The following HSD17B4 variants were observed in gnomAD, a reference collection of about 807,000 sequenced individuals.
The protein encoded by HSD17B4 is peroxisomal multifunctional enzyme type 2.
HSD17B4 carries 70 observed loss-of-function variants against 101.0 expected under a neutral mutation model. That is an observed-to-expected ratio of 0.69 (90% CI 0.57 to 0.85). The LOEUF (loss-of-function observed/expected upper bound fraction) is 0.85, where lower values mean the gene tolerates loss of function less well. Ranked by LOEUF, HSD17B4 falls within the 40% of genes least tolerant of loss-of-function variation. HSD17B4 has a pLI of 0.00. For missense variants in HSD17B4, 984 were observed against 892.4 expected (o/e 1.10, Z -1.31); for synonymous variants, 347 against 297.1 (o/e 1.17, Z -1.73).
chr5:119,538,769 T>C (rs949252454), intron 23 of HSD17B4, among the ~76,000 whole-genome samples: 21 of 152,282 alleles, frequency 1.4e-4, no homozygotes, highest in African/African-American at 4.8e-4. Flanking sequence ...GAATTTCTCC[T>C]CCTAGCTGTT....
At chr5:119,511,175 A>G (rs1301582075) in intron 16 of HSD17B4, among the ~76,000 whole-genome samples, 1 of 152,210 alleles carries the variant, frequency 6.6e-6, no homozygotes, top group Non-Finnish European at 1.5e-5. Context: ...AGGGAGAGGA[A>G]GGCTGTAATA....
rs181252569 is a variant in HSD17B4 at position 119,534,440 on chromosome 5, T to C, written c.1994-1983T>C. 2.0e-5 allele frequency among the ~76,000 whole-genome samples: 3 copies of C among 152,216 alleles called. No individual in the cohort carries two copies. In the East Asian group the frequency reaches 5.8e-4, roughly 29 times the overall value. On this transcript the variant is annotated intron_variant, in intron 22 of 23. Transcript: ENST00000510025. Reference sequence around the variant, plus strand: ...TGTTCTTTGACTGTTAGAGGTTATCTATTTTGAATCTTAGACATTTGCCAC... The same window carrying C: ...TGTTCTTTGACTGTTAGAGGTTATCCATTTTGAATCTTAGACATTTGCCAC...
intron 22 of HSD17B4, among the ~76,000 whole-genome samples, chr5:119,534,509 G>T (rs948442379): frequency 6.6e-6 from 1 of 152,006 alleles, no homozygotes; most frequent in South Asian, 2.1e-4. Flanking sequence ...GCATTCTTTT[G>T]ATACCAGAAT....
chr5:119,502,675 G>T (rs1176691277), intron 14 of HSD17B4, among the ~76,000 whole-genome samples: 9 of 151,858 alleles, frequency 5.9e-5, no homozygotes, highest in Admixed American at 5.9e-4. Flanking sequence ...GTCATATAAG[G>T]TGGTAGAATA....
intron 22 of HSD17B4, among the ~76,000 whole-genome samples, chr5:119,534,000 G>A (rs1333198850): frequency 6.6e-6 from 1 of 152,048 alleles, no homozygotes; most frequent in Non-Finnish European, 1.5e-5. Context: ...TTGTTTGTAT[G>A]TATCCAATAC....
rs1750955154 is a variant in HSD17B4 at position 119,499,470 on chromosome 5, A to G, written c.1126A>G (p.Thr376Ala). The change falls in exon 13 of 24, where the codon ACC becomes GCC. Residue 376 changes from threonine (T) to alanine (A), a missense_variant. Transcript: ENST00000510025. ...EGSSDFSCLP[T>A]FGVIIGQKSM... ...AAGTTCTGATTTCTCCTGTTTGCCCACCTTCGGAGTTATCATAGGTCAGAA... is the reference window on the plus strand; with the variant it reads ...AAGTTCTGATTTCTCCTGTTTGCCCGCCTTCGGAGTTATCATAGGTCAGAA... The G allele has an allele frequency of 6.2e-7, 1 of 1,613,890 alleles. No homozygotes were observed. Among genetic ancestry groups the G allele is most frequent in the Non-Finnish European group, 8.5e-7 (1 of 1,179,840 alleles).
At chr5:119,538,742 T>C (rs555529537) in intron 23 of HSD17B4, among the ~76,000 whole-genome samples, 3 of 152,334 alleles carry the variant, frequency 2.0e-5, no homozygotes, top group African/African-American at 7.2e-5. Flanking sequence ...TCAATGTCTA[T>C]GCATTTGCCT....
In HSD17B4 at chr5:119,525,659, A is replaced by C; in HGVS notation, c.1574-258A>C. The stretch of plus-strand genomic sequence containing the variant: ...CCTGGATGATTTCATGGTTACAACC[A>C]AAACTAAACAAAACAATTGTGTTTC... On this transcript the variant is annotated intron_variant, in intron 18 of 23. Coordinates refer to ENST00000510025, the MANE Select transcript of HSD17B4 (RefSeq NM_000414.4). 3 of 539,766 alleles carry C rather than the reference A, an allele frequency of 5.6e-6. No homozygotes were observed. The South Asian group carries it at 6.4e-5, about 11-fold the overall frequency. 33.4% of individuals were successfully genotyped at this position (539,766 alleles called of 1,614,324 possible).
chr5:119,531,306 G>T lies in HSD17B4; in HGVS notation c.1895G>T (p.Gly632Val), dbSNP rs761533599. 6.2e-7 allele frequency: 1 copy of T among 1,613,530 alleles called. No homozygotes were observed. The highest frequency in any genetic ancestry group is 8.5e-7 in the Non-Finnish European group (1 of 1,179,606). The part of the protein sequence containing the change: ...LQSTFVFEEI[G>V]RRLKDIGPEV... ...AGTACCTTTGTATTTGAGGAAATAG[G>T]ACGCCGCCTAAAGGATATTGGGCCT... The change falls in exon 22 of 24, where the codon GGA becomes GTA. Residue 632 changes from glycine (G) to valine (V), a missense_variant. Coordinates refer to ENST00000510025, the MANE Select transcript of HSD17B4 (RefSeq NM_000414.4).
intron 17 of HSD17B4, among the ~76,000 whole-genome samples, chr5:119,516,420 G>A (rs751978518): frequency 2.0e-5 from 3 of 151,922 alleles, no homozygotes. Flanking sequence ...GAATTTCTAC[G>A]CACAGTAAGT....
At chr5:119,502,505 C>CTT (rs150987924) in intron 14 of HSD17B4, among the ~76,000 whole-genome samples, 55 of 146,030 alleles carry the variant, frequency 3.8e-4, no homozygotes, top group Admixed American at 9.8e-4. Context: ...TCATTTTTTT[C>CTT]TTTTTTTTTG....
At chr5:119,457,155 C>T (rs1366596642) in intron 2 of HSD17B4, among the ~76,000 whole-genome samples, 3 of 152,100 alleles carry the variant, frequency 2.0e-5, no homozygotes, top group Admixed American at 6.5e-5. Context: ...GACACAGAAA[C>T]GAATTTGTCC....
Position 119,529,915 on chromosome 5 carries a change from G to C in HSD17B4, c.1789G>C (p.Val597Leu). Residue 597 changes from valine to leucine, a missense_variant, in exon 21 of 24, where the codon GTC becomes CTC. Val to Leu is a conservative substitution (Grantham distance 32). Coordinates refer to ENST00000510025, the MANE Select transcript of HSD17B4 (RefSeq NM_000414.4). The part of the protein sequence containing the change: ...QTKVQETGDI[V>L]ISNAYVDLAP... ...TAAGGTCCAAGAAACTGGAGACATT[G>C]TCATTTCAAATGCATATGTGGATCT... The C allele has an allele frequency of 6.2e-7, 1 of 1,604,218 alleles. No individual in the cohort carries two copies. Among genetic ancestry groups the C allele is most frequent in the Non-Finnish European group, 8.5e-7 (1 of 1,172,174 alleles).
At chr5:119,492,402 CATATATTG>C in intron 10 of HSD17B4, 1 of 423,802 alleles carries the variant, frequency 2.4e-6, no homozygotes, top group Non-Finnish European at 4.3e-6. Flanking sequence ...CTTCAGACAG[CATATATTG>C]ATAATCATCC....
At chr5:119,476,758 A>G in intron 6 of HSD17B4, 3 of 907,500 alleles carry the variant, frequency 3.3e-6, no homozygotes, top group Non-Finnish European at 4.0e-6. Flanking sequence ...CTACTAAGCC[A>G]CTACTCCTGA....
intron 22 of HSD17B4, among the ~76,000 whole-genome samples, chr5:119,532,373 A>G (rs1754188611): frequency 6.6e-6 from 1 of 152,154 alleles, no homozygotes. Context: ...CTTCTAGTAT[A>G]GTCAATAACA....
At chr5:119,484,993 A>G (rs1749485985) in intron 8 of HSD17B4, among the ~76,000 whole-genome samples, 1 of 152,206 alleles carries the variant, frequency 6.6e-6, no homozygotes, top group Admixed American at 6.5e-5. Flanking sequence ...CTATATAGAC[A>G]CAAAACAGTA....
chr5:119,529,055 C>CA (rs1753836311), intron 20 of HSD17B4, among the ~76,000 whole-genome samples: 1 of 152,022 alleles, frequency 6.6e-6, no homozygotes, highest in Non-Finnish European at 1.5e-5. Flanking sequence ...CCATGCTTTT[C>CA]AATGTATGTA....
intron 8 of HSD17B4, among the ~76,000 whole-genome samples, chr5:119,483,060 C>G (rs1007476334): frequency 3.4e-4 from 52 of 152,102 alleles, no homozygotes; most frequent in African/African-American, 1.2e-3. Context: ...GGGCATATTT[C>G]AAAATGGTTT....
Sources: gnomAD v4.1 joint callset for allele counts (sites outside exome capture counted in the v4.1 genomes callset) on GRCh38, gnomAD v4.1.1 for gene constraint, MANE v1.5 for transcripts, NCBI Gene and HGNC (gene_info 2026-07-23, HGNC 2026-07-21) for gene names.